Variants in TMEM163 observed in about 807,000 individuals in gnomAD.
The protein encoded by TMEM163 is transmembrane protein 163.
Under a neutral mutation model 29.3 loss-of-function variants are expected in TMEM163, and 17 were observed. The ratio of observed to expected loss-of-function variants is 0.58; its 90% CI spans 0.40 to 0.87. TMEM163 has a LOEUF of 0.87. Among genes scored for constraint, TMEM163 ranks in the 40% least tolerant of loss-of-function variants. The pLI is 0.00. For missense variants in TMEM163, 303 were observed against 381.5 expected (o/e 0.79, Z 1.71); for synonymous variants, 157 against 160.6 (o/e 0.98, Z 0.17).
intron 2 of TMEM163, among the ~76,000 whole-genome samples, chr2:134,650,787 T>C (rs1188561738): frequency 7.4e-6 from 1 of 134,552 alleles, no homozygotes; most frequent in African/African-American, 3.2e-5. Flanking sequence ...AGTGAGAATA[T>C]GCGGTGTTTG....
chr2:134,656,503 G>A (rs914060594), intron 2 of TMEM163, among the ~76,000 whole-genome samples: 2 of 152,138 alleles, frequency 1.3e-5, no homozygotes, highest in Admixed American at 1.3e-4. Context: ...GAAATCACCC[G>A]TCTTCTGCGT....
intron 2 of TMEM163, among the ~76,000 whole-genome samples, chr2:134,642,327 A>G (rs573005740): frequency 6.6e-6 from 1 of 152,088 alleles, no homozygotes; most frequent in Admixed American, 6.6e-5. Flanking sequence ...ATGGGATTTC[A>G]TCATGTCGGC....
At chr2:134,479,589 G>A (rs1331160614) in intron 5 of TMEM163, among the ~76,000 whole-genome samples, 1 of 152,182 alleles carries the variant, frequency 6.6e-6, no homozygotes, top group Non-Finnish European at 1.5e-5. Context: ...CCACAGATAA[G>A]GGCGAGCATC....
chr2:134,599,930 T>C (rs1326829645), intron 2 of TMEM163, among the ~76,000 whole-genome samples: 1 of 150,834 alleles, frequency 6.6e-6, no homozygotes, highest in Non-Finnish European at 1.5e-5. Context: ...CACACATATA[T>C]ACACACACAC....
intron 2 of TMEM163, among the ~76,000 whole-genome samples, chr2:134,677,634 T>C (rs1382318882): frequency 6.6e-6 from 1 of 152,184 alleles, no homozygotes; most frequent in Non-Finnish European, 1.5e-5. Context: ...AATATGACCA[T>C]AGCTATACGT....
Position 134,715,230 on chromosome 2 carries a change from C to A in TMEM163, c.203-1911G>T, listed in dbSNP as rs150606439. On this transcript the variant is annotated intron_variant, in intron 1 of 7. Transcript: ENST00000281924. ...AGCCGCATAACATTTATTTTTCCAT[C>A]CAAAGTCAGCTAGTTTCAATAATAT... 4.6e-5 allele frequency among the ~76,000 whole-genome samples: 7 copies of A among 152,284 alleles called. No individual in the cohort carries two copies. In the East Asian group the frequency reaches 1.3e-3, roughly 29 times the overall value.
chr2:134,537,212 T>C (rs1169868735), intron 4 of TMEM163, among the ~76,000 whole-genome samples: 1 of 152,190 alleles, frequency 6.6e-6, no homozygotes, highest in Non-Finnish European at 1.5e-5. Flanking sequence ...GATCCCTATG[T>C]GGGTCTACCT....
chr2:134,700,307 C>A (rs1684669341), intron 2 of TMEM163, among the ~76,000 whole-genome samples: 1 of 152,190 alleles, frequency 6.6e-6, no homozygotes, highest in African/African-American at 2.4e-5. Context: ...TGACTATTTT[C>A]TATTTCCTCT....
intron 2 of TMEM163, among the ~76,000 whole-genome samples, chr2:134,693,250 T>C (rs1399085454): frequency 1.3e-5 from 2 of 151,838 alleles, no homozygotes; most frequent in Admixed American, 6.6e-5. Flanking sequence ...GCTTGAAGAG[T>C]AAGACATTTA....
Position 134,688,860 on chromosome 2 carries a change from T to C in TMEM163, c.322+24340A>G, listed in dbSNP as rs144899056. Among the ~76,000 whole-genome samples the C allele has an allele frequency of 3.3e-5, 5 of 152,300 alleles. No individual in the cohort carries two copies. The East Asian group carries it at 7.7e-4, about 24-fold the overall frequency. ...GGAACTATGGTATCCACTAGCCACA[T>C]GTAGGTACTGAGTACATGAAACGTG... On this transcript the variant is annotated intron_variant, in intron 2 of 7. Transcript: ENST00000281924.
intron 4 of TMEM163, among the ~76,000 whole-genome samples, chr2:134,524,145 C>T (rs1385488168): frequency 6.6e-6 from 1 of 152,154 alleles, no homozygotes; most frequent in African/African-American, 2.4e-5. Context: ...GAACTACAGC[C>T]TGCATTTGAA....
intron 2 of TMEM163, among the ~76,000 whole-genome samples, chr2:134,584,938 C>T (rs779112128): frequency 5.3e-5 from 8 of 152,136 alleles, no homozygotes; most frequent in Non-Finnish European, 1.2e-4. Context: ...CAGCTCCAGA[C>T]CCAGCACCAG....
chr2:134,537,934 A>G (rs1680576890), intron 4 of TMEM163, among the ~76,000 whole-genome samples: 1 of 152,226 alleles, frequency 6.6e-6, no homozygotes, highest in Admixed American at 6.5e-5. Context: ...ACCCACTAGA[A>G]TGGCTGGAAC....
At chr2:134,550,475 A>AC in intron 4 of TMEM163, 95 bp downstream of exon 4, 1 of 1,209,630 alleles carries the variant, frequency 8.3e-7, no homozygotes, top group Non-Finnish European at 1.2e-6. Context: ...CATCACTGGG[A>AC]CAAAAGCTGC....
At chr2:134,472,790 C>T (rs959870567) in intron 5 of TMEM163, among the ~76,000 whole-genome samples, 4 of 152,222 alleles carry the variant, frequency 2.6e-5, no homozygotes, top group Non-Finnish European at 5.9e-5. Flanking sequence ...GCAGGACACA[C>T]ATTCTTTTTA....
At chr2:134,467,650 G>A (rs1249468033) in intron 5 of TMEM163, 1 of 152,218 alleles carries the variant, frequency 6.6e-6, no homozygotes, top group African/African-American at 2.4e-5. Context: ...TTAAGGAGAT[G>A]TGACAAGTAA....
chr2:134,514,306 T>C (rs1490897224), intron 4 of TMEM163, among the ~76,000 whole-genome samples: 1 of 151,460 alleles, frequency 6.6e-6, no homozygotes, highest in Admixed American at 6.6e-5. Flanking sequence ...AAGTCGGGGG[T>C]GTCAATCTTT....
chr2:134,690,182 C>T (rs1016568599), intron 2 of TMEM163, among the ~76,000 whole-genome samples: 3 of 152,094 alleles, frequency 2.0e-5, no homozygotes, highest in Non-Finnish European at 4.4e-5. Flanking sequence ...CCACCCGCCC[C>T]GGCCTCCCAA....
In TMEM163 at chr2:134,477,324, T is replaced by G. The variant is rs548620580; in HGVS notation, c.556-11099A>C. ...AGAGATAGACACATAAGCCACTAAC[T>G]GTACCATAGTGCGATCTGTTTGTTT... On this transcript the variant is annotated intron_variant, in intron 5 of 7. Transcript: ENST00000281924. Among the ~76,000 whole-genome samples the G allele has an allele frequency of 2.0e-5, 3 of 152,358 alleles. No homozygotes were observed. The East Asian group carries it at 5.8e-4, about 29-fold the overall frequency.
Sources: allele counts gnomAD v4.1 joint callset (sites outside exome capture counted in the v4.1 genomes callset), GRCh38; gene constraint gnomAD v4.1.1; transcripts MANE v1.5; gene names NCBI Gene and HGNC (gene_info 2026-07-23, HGNC 2026-07-21).